Variants in COL22A1 observed in about 807,000 individuals in gnomAD.
COL22A1 encodes collagen alpha-1(XXII) chain.
A neutral mutation model predicts 248.9 loss-of-function variants in COL22A1; 221 were observed. The observed-to-expected ratio is 0.89, with a 90% CI of 0.80 to 0.99. COL22A1 has a LOEUF of 0.99. COL22A1 is among the 50% of genes least tolerant of loss of function. The pLI, the probability that COL22A1 is intolerant of heterozygous loss-of-function variation, is 0.00. For missense variants in COL22A1, 2,240 were observed against 2,179.0 expected (o/e 1.03, Z -0.56); for synonymous variants, 891 against 793.4 (o/e 1.12, Z -2.07).
At chr8:138,790,812 A>G (rs2131581183) in intron 12 of COL22A1, among the ~76,000 whole-genome samples, 1 of 152,188 alleles carries the variant, frequency 6.6e-6, no homozygotes, top group East Asian at 1.9e-4. Flanking sequence ...GCTGTGCCCT[A>G]TCAGTTATAC....
At chr8:138,863,768 G>A (rs1018943546) in intron 3 of COL22A1, among the ~76,000 whole-genome samples, 2 of 152,204 alleles carry the variant, frequency 1.3e-5, no homozygotes, top group African/African-American at 2.4e-5. Flanking sequence ...AGGAGGCAGT[G>A]AGGTGGGGTC....
At chr8:138,692,763 A>G (rs963916369) in intron 35 of COL22A1, among the ~76,000 whole-genome samples, 1 of 151,870 alleles carries the variant, frequency 6.6e-6, no homozygotes, top group African/African-American at 2.4e-5. Context: ...CTCCTTGCCT[A>G]CACTCTGCTT....
chr8:138,684,275 A>C (rs1826174186), intron 39 of COL22A1, 150 bp downstream of exon 39: 1 of 688,852 alleles, frequency 1.5e-6, no homozygotes, highest in Non-Finnish European at 2.6e-6. Flanking sequence ...AAAAAAAAAA[A>C]GTCCTAGAAC....
intron 23 of COL22A1, among the ~76,000 whole-genome samples, chr8:138,734,805 G>T (rs1830983524): frequency 6.6e-6 from 1 of 152,218 alleles, no homozygotes. Context: ...ACTGGATAAA[G>T]AAAAGGTAGC....
chr8:138,704,527 C>T (rs894697838), intron 30 of COL22A1, among the ~76,000 whole-genome samples: 13 of 151,608 alleles, frequency 8.6e-5, no homozygotes, highest in African/African-American at 1.2e-4. Flanking sequence ...CTGGAGTGGA[C>T]CTCCAGAAAA....
chr8:138,795,072 C>A (rs564308369), intron 12 of COL22A1, among the ~76,000 whole-genome samples: 2 of 151,744 alleles, frequency 1.3e-5, no homozygotes, highest in Non-Finnish European at 1.5e-5. Context: ...GTGTCCTTAC[C>A]ACAATTAAAT....
Position 138,716,814 on chromosome 8 carries a change from A to G in COL22A1, c.2400+11T>C. ...AATAAAATGAATGAATAAAAGCACA[A>G]ACAAACAGACCTTCTCTCCAGGTCG... On this transcript the variant is annotated intron_variant, in intron 28 of 64. Coordinates refer to ENST00000303045, the MANE Select transcript of COL22A1 (RefSeq NM_152888.3). 6.2e-7 allele frequency: 1 copy of G among 1,601,046 alleles called. No homozygotes were observed. The highest frequency in any genetic ancestry group is 1.1e-5 in the South Asian group (1 of 90,686).
In COL22A1 at chr8:138,902,743, C is replaced by T. The variant is rs867452640; in HGVS notation, c.-73+10876G>A. Reference sequence around the variant, plus strand: ...ATTTATAAATATATATATATATACACACACACACACACACACACACACACA... The same window carrying T: ...ATTTATAAATATATATATATATACATACACACACACACACACACACACACA... On this transcript the variant is annotated intron_variant, in intron 1 of 64. Coordinates refer to ENST00000303045, the MANE Select transcript of COL22A1 (RefSeq NM_152888.3). 4.1e-3 allele frequency among the ~76,000 whole-genome samples: 498 copies of T among 120,760 alleles called. 3 individuals carry two copies. The highest frequency in any genetic ancestry group is 6.3e-3 in the African/African-American group (177 of 28,136). The allele number at this position is 120,760 out of a possible 152,430, so 79.2% of individuals were successfully genotyped here. A position where few individuals can be genotyped will look rare whatever the true frequency, so the allele number is the denominator to read the frequency against.
intron 55 of COL22A1, 95 bp downstream of exon 55, chr8:138,615,906 G>T (rs1819276403): frequency 2.3e-6 from 2 of 887,610 alleles, no homozygotes; most frequent in Non-Finnish European, 1.8e-6. Context: ...TGGCAGTGCT[G>T]CCACCAGCCA....
chr8:138,751,317 T>C, intron 22 of COL22A1, 141 bp downstream of exon 22: 1 of 604,884 alleles, frequency 1.7e-6, no homozygotes, highest in African/African-American at 1.9e-5. Context: ...TTTGATGAAC[T>C]GAATCCAACC....
In COL22A1 at chr8:138,829,403, G is replaced by GTTTTTTTTTTT. The variant is rs765618552; in HGVS notation, c.846-2633_846-2623dup. ...CTTTTCTTTATTTCCTTCCTTTCCT[G>GTTTTTTTTTTT]TTTTTTTTTTTTTTTTTTTTTGAGA... On this transcript the variant is annotated intron_variant, in intron 5 of 64. Coordinates refer to ENST00000303045, the MANE Select transcript of COL22A1 (RefSeq NM_152888.3). Among the ~76,000 whole-genome samples the GTTTTTTTTTTT allele has an allele frequency of 7.3e-4, 66 of 90,656 alleles. 2 individuals carry two copies. Among genetic ancestry groups the GTTTTTTTTTTT allele is most frequent in the Non-Finnish European group, 9.7e-4 (49 of 50,402 alleles). The allele number at this position is 90,656 out of a possible 152,430, so 59.5% of individuals were successfully genotyped here.
Position 138,591,332 on chromosome 8 carries a change from C to G in COL22A1, c.4693+92G>C, listed in dbSNP as rs924315956. ...TGTAGAGCCTAAGCCCTCCTCTCCG[C>G]TCACTGCTGAGTCCTGTGGGGCCAC... On this transcript the variant is annotated intron_variant, in intron 64 of 64. Transcript: ENST00000303045. 7 of 786,872 alleles carry G rather than the reference C, an allele frequency of 8.9e-6. No individual in the cohort carries two copies. The African/African-American group carries it at 9.0e-5, about 10-fold the overall frequency. 48.7% of individuals were successfully genotyped at this position (786,872 alleles called of 1,614,324 possible).
At chr8:138,594,438 G>A (rs533069198) in intron 62 of COL22A1, among the ~76,000 whole-genome samples, 26 of 152,256 alleles carry the variant, frequency 1.7e-4, no homozygotes, top group Admixed American at 1.4e-3. Context: ...TTCTGATTGC[G>A]GCTGGCCATG....
At chr8:138,714,724 C>T (rs9969469) in intron 30 of COL22A1, among the ~76,000 whole-genome samples, 3,517 of 152,240 alleles carry the variant, frequency 0.023, 133 homozygotes, top group African/African-American at 0.077. Context: ...AAGACAATGC[C>T]AACGAAGCCT....
intron 42 of COL22A1, 128 bp downstream of exon 42, chr8:138,663,577 C>A: frequency 1.3e-6 from 1 of 755,144 alleles, no homozygotes; most frequent in South Asian, 1.5e-5. Context: ...GGACAGTCTG[C>A]ACTGTTCAAT....
chr8:138,656,040 C>CGT, intron 44 of COL22A1, 96 bp from the exon 45 acceptor site: 2 of 973,282 alleles, frequency 2.1e-6, no homozygotes, highest in Non-Finnish European at 3.2e-6. Flanking sequence ...AAGTGTGACA[C>CGT]AATACGTGAC....
In COL22A1 at chr8:138,884,522, T is replaced by C. The variant is rs550964120; in HGVS notation, c.-72-1278A>G. Among the ~76,000 whole-genome samples the C allele has an allele frequency of 8.5e-5, 13 of 152,302 alleles. No individual in the cohort carries two copies. The South Asian group carries it at 2.7e-3, about 32-fold the overall frequency. On this transcript the variant is annotated intron_variant, in intron 1 of 64. Coordinates refer to ENST00000303045, the MANE Select transcript of COL22A1 (RefSeq NM_152888.3). ...CTTCAAATAATTGGTGAATACTTTTTAAAAGAGTCTAATAAACAGAAAAAT... is the reference window on the plus strand; with the variant it reads ...CTTCAAATAATTGGTGAATACTTTTCAAAAGAGTCTAATAAACAGAAAAAT...
intron 32 of COL22A1, among the ~76,000 whole-genome samples, chr8:138,699,898 C>A (rs1173352547): frequency 6.6e-6 from 1 of 152,230 alleles, no homozygotes; most frequent in Non-Finnish European, 1.5e-5. Context: ...GACTTCTAGG[C>A]CCCTGGAATG....
intron 4 of COL22A1, among the ~76,000 whole-genome samples, chr8:138,841,409 G>A (rs1820872427): frequency 6.6e-6 from 1 of 152,218 alleles, no homozygotes. Flanking sequence ...TAATTGCCCT[G>A]TGGGGCTTCA....
Sources: gnomAD v4.1 joint callset for allele counts (sites outside exome capture counted in the v4.1 genomes callset) on GRCh38, gnomAD v4.1.1 for gene constraint, MANE v1.5 for transcripts, NCBI Gene and HGNC (gene_info 2026-07-23, HGNC 2026-07-21) for gene names.